Variants in DPP10 observed in about 807,000 individuals in gnomAD.
DPP10 encodes the protein dipeptidyl peptidase like 10, also known as inactive dipeptidyl peptidase 10.
A neutral mutation model predicts 120.9 loss-of-function variants in DPP10; 33 were observed. The ratio of observed to expected loss-of-function variants is 0.27; its 90% CI spans 0.21 to 0.37. DPP10 has a LOEUF of 0.37. Ranked by LOEUF, DPP10 falls within the 10% of genes least tolerant of loss-of-function variation. The pLI is 1.00. For synonymous variants in DPP10, 337 were observed against 326.1 expected, an observed-to-expected ratio of 1.03 and a Z score of -0.36; for missense variants, 816 against 942.8, an observed-to-expected ratio of 0.87 and a Z score of 1.76.
rs536040911 is a variant in DPP10, at chr2:115,170,009, G to A, written c.61-139230G>A. 4.6e-5 allele frequency among the ~76,000 whole-genome samples: 7 copies of A among 152,212 alleles called. No homozygotes were observed. In the South Asian group the frequency reaches 6.2e-4, roughly 14 times the overall value. ...CAGAAATGTGACAAATCTGTATTAC[G>A]TAATCAAGAACTTGAGTGGCAGGCT... On this transcript the variant is annotated intron_variant, in intron 1 of 25. Coordinates refer to ENST00000410059, the MANE Select transcript of DPP10 (RefSeq NM_020868.6).
chr2:115,587,254 C>T (rs951137108), intron 5 of DPP10, among the ~76,000 whole-genome samples: 17 of 151,918 alleles, frequency 1.1e-4, no homozygotes, highest in East Asian at 1.9e-4. Flanking sequence ...CCCGCGACCA[C>T]GCCCAGCTAA....
intron 1 of DPP10, among the ~76,000 whole-genome samples, chr2:114,763,549 C>A (rs1211110298): frequency 1.3e-5 from 2 of 152,082 alleles, no homozygotes; most frequent in Non-Finnish European, 2.9e-5. Context: ...CAAAGTAAAT[C>A]TTTGCATTTT....
At chr2:115,014,027 T>A (rs1463358409) in intron 1 of DPP10, among the ~76,000 whole-genome samples, 1 of 152,150 alleles carries the variant, frequency 6.6e-6, no homozygotes, top group Admixed American at 6.5e-5. Context: ...CTACCCCAAA[T>A]CAACAGAATA....
chr2:115,557,379 A>G (rs2080281031), intron 5 of DPP10, among the ~76,000 whole-genome samples: 1 of 152,230 alleles, frequency 6.6e-6, no homozygotes, highest in Non-Finnish European at 1.5e-5. Context: ...CTTTCAAAAC[A>G]GATTACCAGT....
At chr2:115,128,570 G>A (rs1482878728) in intron 1 of DPP10, among the ~76,000 whole-genome samples, 1 of 152,144 alleles carries the variant, frequency 6.6e-6, no homozygotes, top group African/African-American at 2.4e-5. Flanking sequence ...GAAACATTTG[G>A]TTTAAACAAA....
intron 7 of DPP10, among the ~76,000 whole-genome samples, chr2:115,690,204 C>T (rs889338751): frequency 6.6e-6 from 1 of 152,098 alleles, no homozygotes; most frequent in Non-Finnish European, 1.5e-5. Context: ...GGACCTTGTA[C>T]TGCATACTTT....
At chr2:115,449,908 CTT>C (rs1388518542) in intron 3 of DPP10, among the ~76,000 whole-genome samples, 2 of 151,988 alleles carry the variant, frequency 1.3e-5, no homozygotes, top group Admixed American at 6.6e-5. Context: ...GCATTTTAAA[CTT>C]GAGTTGTCCT....
intron 1 of DPP10, among the ~76,000 whole-genome samples, chr2:115,087,107 T>TTC (rs1381612680): frequency 6.6e-6 from 1 of 152,232 alleles, no homozygotes; most frequent in Non-Finnish European, 1.5e-5. Flanking sequence ...TTCTTTAATG[T>TTC]GTTTTTATTT....
At chr2:115,085,141 C>A (rs1708587565) in intron 1 of DPP10, among the ~76,000 whole-genome samples, 1 of 152,210 alleles carries the variant, frequency 6.6e-6, no homozygotes, top group Non-Finnish European at 1.5e-5. Context: ...TAGCATTCTG[C>A]AGTTCTGTCT....
chr2:114,892,334 C>A (rs576271328), intron 1 of DPP10, among the ~76,000 whole-genome samples: 1 of 152,180 alleles, frequency 6.6e-6, no homozygotes, highest in African/African-American at 2.4e-5. Context: ...GTCCTCACAC[C>A]CACTCTGTGT....
At chr2:114,512,844 G>A (rs1684259168) in intron 1 of DPP10, among the ~76,000 whole-genome samples, 1 of 152,164 alleles carries the variant, frequency 6.6e-6, no homozygotes, top group Admixed American at 6.5e-5. Context: ...ACTGCTTGTT[G>A]TCACGTTCCT....
At chr2:115,461,644 T>G (rs2073991563) in intron 3 of DPP10, among the ~76,000 whole-genome samples, 1 of 152,182 alleles carries the variant, frequency 6.6e-6, no homozygotes, top group South Asian at 2.1e-4. Flanking sequence ...TTGTACACCA[T>G]AAATATATAC....
At chr2:115,035,512 A>G (rs1448330753) in intron 1 of DPP10, among the ~76,000 whole-genome samples, 1 of 152,210 alleles carries the variant, frequency 6.6e-6, no homozygotes, top group Non-Finnish European at 1.5e-5. Flanking sequence ...CGATTCTTAT[A>G]TTTGACACAC....
intron 1 of DPP10, among the ~76,000 whole-genome samples, chr2:114,975,101 G>A (rs760861462): frequency 1.3e-5 from 2 of 151,112 alleles, no homozygotes; most frequent in African/African-American, 2.4e-5. Context: ...GTGCAATGGC[G>A]CGATCTCAGC....
At chr2:115,666,738 T>C (rs994056163) in intron 5 of DPP10, among the ~76,000 whole-genome samples, 2 of 152,196 alleles carry the variant, frequency 1.3e-5, no homozygotes, top group Non-Finnish European at 2.9e-5. Flanking sequence ...TCTGTCTTTA[T>C]GGTTGAACAA....
intron 1 of DPP10, among the ~76,000 whole-genome samples, chr2:114,750,469 G>T (rs1679103555): frequency 6.6e-6 from 1 of 152,090 alleles, no homozygotes; most frequent in Non-Finnish European, 1.5e-5. Context: ...GAGTAGCTGG[G>T]ACCACAGGCG....
intron 1 of DPP10, among the ~76,000 whole-genome samples, chr2:115,200,214 C>A (rs192362095): frequency 4.1e-4 from 63 of 152,234 alleles, no homozygotes; most frequent in Admixed American, 7.9e-4. Flanking sequence ...TTCGGTTGGG[C>A]GTCTTTTCCA....
chr2:114,759,866 G>A (rs1450194716), intron 1 of DPP10, among the ~76,000 whole-genome samples: 3 of 152,046 alleles, frequency 2.0e-5, no homozygotes, highest in Non-Finnish European at 4.4e-5. Flanking sequence ...CAAATAGCAA[G>A]TAAGAGATCT....
chr2:115,727,515 A>C (rs1054664530), intron 7 of DPP10, among the ~76,000 whole-genome samples: 1 of 152,156 alleles, frequency 6.6e-6, no homozygotes, highest in African/African-American at 2.4e-5. Flanking sequence ...CAAAGCCAAA[A>C]CAATTTTGTG....
Sources: allele counts gnomAD v4.1 joint callset (sites outside exome capture counted in the v4.1 genomes callset), GRCh38; gene constraint gnomAD v4.1.1; transcripts MANE v1.5; gene names NCBI Gene and HGNC (gene_info 2026-07-23, HGNC 2026-07-21).